GRM3: variants seen among roughly 807,000 people sequenced by gnomAD.
GRM3 encodes the protein metabotropic glutamate receptor 3.
In GRM3, 26 loss-of-function variants were observed where a neutral mutation model predicts 70.5. That is an observed-to-expected ratio of 0.37 (90% confidence interval 0.27 to 0.51). The LOEUF (loss-of-function observed/expected upper bound fraction) is 0.51, where lower values mean the gene tolerates loss of function less well. Ranked by LOEUF, GRM3 falls within the 20% of genes least tolerant of loss-of-function variation. The pLI, the probability that GRM3 is intolerant of heterozygous loss-of-function variation, is 0.93. For missense variants in GRM3, 859 were observed against 1,123.8 expected (o/e 0.76, Z 3.37); for synonymous variants, 443 against 434.9 (o/e 1.02, Z -0.23).
intron 1 of GRM3, among the ~76,000 whole-genome samples, chr7:86,739,504 G>A (rs1179859010): frequency 7.2e-5 from 11 of 152,144 alleles, no homozygotes; most frequent in Admixed American, 5.9e-4. Flanking sequence ...AATTACCTAC[G>A]TAGAACGGCC....
At chr7:86,730,490 A>G (rs2116273653) in intron 1 of GRM3, among the ~76,000 whole-genome samples, 1 of 152,364 alleles carries the variant, frequency 6.6e-6, no homozygotes, top group South Asian at 2.1e-4. Context: ...GGGCTTCACT[A>G]GAAAGGGATG....
intron 1 of GRM3, among the ~76,000 whole-genome samples, chr7:86,737,598 C>T (rs1388762687): frequency 6.6e-6 from 1 of 152,120 alleles, no homozygotes; most frequent in Non-Finnish European, 1.5e-5. Context: ...ACATTAAATA[C>T]CTATTTTCTC....
chr7:86,717,938 T>G (rs1404402008), intron 1 of GRM3, among the ~76,000 whole-genome samples: 1 of 78,304 alleles, frequency 1.3e-5, no homozygotes, highest in Non-Finnish European at 2.5e-5. Context: ...AAATACAGTA[T>G]CAGCTTTAAA....
intron 1 of GRM3, among the ~76,000 whole-genome samples, chr7:86,657,630 A>G (rs1793780363): frequency 6.6e-6 from 1 of 152,196 alleles, no homozygotes; most frequent in South Asian, 2.1e-4. Flanking sequence ...AAATCTCTGA[A>G]GACACTTGAG....
chr7:86,655,853 G>GTGTGTGTGTGTGT (rs1562814701), intron 1 of GRM3, among the ~76,000 whole-genome samples: 18 of 134,726 alleles, frequency 1.3e-4, no homozygotes, highest in Admixed American at 9.3e-4. Flanking sequence ...TGTGTGTGTG[G>GTGTGTGTGTGTGT]GTGGGTGGGT....
At chr7:86,802,060 A>G (rs946224902) in intron 3 of GRM3, among the ~76,000 whole-genome samples, 23 of 152,208 alleles carry the variant, frequency 1.5e-4, no homozygotes, top group African/African-American at 5.3e-4. Context: ...ACTAGCATTT[A>G]TTGATTGCCA....
At chr7:86,835,478 A>G (rs985703487) in intron 3 of GRM3, among the ~76,000 whole-genome samples, 1 of 152,196 alleles carries the variant, frequency 6.6e-6, no homozygotes, top group African/African-American at 2.4e-5. Context: ...TAGTTATAAG[A>G]AAGAGATGGA....
At chr7:86,775,579 T>A (rs1042484308) in intron 2 of GRM3, among the ~76,000 whole-genome samples, 3 of 152,004 alleles carry the variant, frequency 2.0e-5, no homozygotes, top group Non-Finnish European at 2.9e-5. Flanking sequence ...TAAAAAAAAA[T>A]TAATAGCTTT....
At chr7:86,813,157 C>A (rs1037534454) in intron 3 of GRM3, among the ~76,000 whole-genome samples, 9 of 151,656 alleles carry the variant, frequency 5.9e-5, no homozygotes, top group Non-Finnish European at 8.9e-5. Context: ...GTAATAAAAT[C>A]TATACCCATC....
chr7:86,679,502 G>A (rs1794391257), intron 1 of GRM3, among the ~76,000 whole-genome samples: 1 of 151,888 alleles, frequency 6.6e-6, no homozygotes, highest in Non-Finnish European at 1.5e-5. Context: ...GAGGATAAAG[G>A]GGAATTAGCC....
intron 1 of GRM3, among the ~76,000 whole-genome samples, chr7:86,716,368 TTCC>T (rs1409174781): frequency 6.6e-6 from 1 of 152,008 alleles, no homozygotes; most frequent in African/African-American, 2.4e-5. Flanking sequence ...ATACGTATTA[TTCC>T]ACTTAATCCT....
intron 3 of GRM3, among the ~76,000 whole-genome samples, chr7:86,814,666 A>C (rs191064178): frequency 1.3e-5 from 2 of 151,684 alleles, no homozygotes; most frequent in Admixed American, 1.3e-4. Context: ...TTAATTACAC[A>C]TTTTCTTTAA....
chr7:86,718,078 CT>C (rs1462640673), intron 1 of GRM3, among the ~76,000 whole-genome samples: 1 of 151,918 alleles, frequency 6.6e-6, no homozygotes, highest in Non-Finnish European at 1.5e-5. Context: ...AAATTAATGT[CT>C]TCATTGCTGA....
rs151076480 is a variant in GRM3 at position 86,838,158 on chromosome 7, C to G, written c.1325-681C>G. ...AGTCTACTTACGTAGATTCTACATACAGCTAGGTTGTATGTATTTGTGTGA... is the reference window on the plus strand; with the variant it reads ...AGTCTACTTACGTAGATTCTACATAGAGCTAGGTTGTATGTATTTGTGTGA... On this transcript the variant is annotated intron_variant, in intron 3 of 5. Transcript: ENST00000361669. Among the ~76,000 whole-genome samples the G allele has an allele frequency of 2.6e-5, 4 of 152,244 alleles. No individual in the cohort carries two copies. The East Asian group carries it at 7.7e-4, about 29-fold the overall frequency.
At chr7:86,682,648 C>A (rs1410529450) in intron 1 of GRM3, among the ~76,000 whole-genome samples, 2 of 152,126 alleles carry the variant, frequency 1.3e-5, no homozygotes, top group East Asian at 3.9e-4. Context: ...TTACCAATTT[C>A]AATTTTCACA....
intron 1 of GRM3, among the ~76,000 whole-genome samples, chr7:86,736,517 C>T (rs1187050482): frequency 1.3e-5 from 2 of 152,166 alleles, no homozygotes; most frequent in Non-Finnish European, 2.9e-5. Flanking sequence ...TGCTCTGTTG[C>T]CCAGGCTGGA....
At chr7:86,695,692 A>T (rs905700829) in intron 1 of GRM3, among the ~76,000 whole-genome samples, 1 of 152,156 alleles carries the variant, frequency 6.6e-6, no homozygotes, top group Non-Finnish European at 1.5e-5. Context: ...TACCTCAAAA[A>T]ACTATAAAGA....
intron 1 of GRM3, among the ~76,000 whole-genome samples, chr7:86,683,466 A>G (rs1432318291): frequency 2.6e-5 from 4 of 152,196 alleles, no homozygotes; most frequent in Admixed American, 2.6e-4. Context: ...CGTGGACCAT[A>G]ACTGAAGTTA....
In GRM3 at chr7:86,786,484, A is replaced by T. The variant is rs777460254; in HGVS notation, c.692A>T (p.Glu231Val). 6.2e-7 allele frequency: 1 copy of T among 1,614,188 alleles called. No homozygotes were observed. Among genetic ancestry groups the T allele is most frequent in the Non-Finnish European group, 8.5e-7 (1 of 1,180,040 alleles). ...GGGGAGACAGGGATCGAGGCCTTCGAGCAGGAAGCCCGCCTGCGCAACATC... is the reference window on the plus strand; with the variant it reads ...GGGGAGACAGGGATCGAGGCCTTCGTGCAGGAAGCCCGCCTGCGCAACATC... ...DYGETGIEAFEQEARLRNICI... is the reference protein window; with the variant it reads ...DYGETGIEAFVQEARLRNICI... Residue 231 changes from glutamate to valine, a missense_variant, in exon 3 of 6, where the codon GAG (glutamate) becomes GTG (valine). By Grantham distance (121) the Glu-to-Val change is moderately radical. Transcript: ENST00000361669. This position sits in a 1 kb window ranked among gnomAD's most constrained non-coding sequence, Gnocchi z 6.0.
Sources: gnomAD v4.1 joint callset for allele counts (sites outside exome capture counted in the v4.1 genomes callset) on GRCh38, gnomAD v4.1.1 for gene constraint, Gnocchi (gnomAD v3.1) non-coding constraint, MANE v1.5 for transcripts, NCBI Gene and HGNC (gene_info 2026-07-23, HGNC 2026-07-21) for gene names.